Variants in RBM33 observed in about 807,000 individuals in gnomAD.
RBM33 encodes RNA-binding protein 33.
A neutral mutation model predicts 132.6 loss-of-function variants in RBM33; 28 were observed. The observed-to-expected ratio is 0.21, with a 90% CI of 0.16 to 0.29. The LOEUF (loss-of-function observed/expected upper bound fraction) is 0.29. RBM33 is among the 10% of genes least tolerant of loss of function. The pLI is 1.00. For missense variants in RBM33, 1,291 were observed against 1,518.5 expected (o/e 0.85, Z 2.49); for synonymous variants, 634 against 593.0 (o/e 1.07, Z -1.01).
intron 2 of RBM33, among the ~76,000 whole-genome samples, chr7:155,669,399 C>T (rs1284977639): frequency 6.6e-6 from 1 of 152,162 alleles, no homozygotes; most frequent in South Asian, 2.1e-4. Context: ...AGAGTCTGCT[C>T]TGGAGTGCAG....
chr7:155,682,830 A>G (rs1010583928), intron 5 of RBM33, among the ~76,000 whole-genome samples: 1 of 152,196 alleles, frequency 6.6e-6, no homozygotes, highest in African/African-American at 2.4e-5. Context: ...CCTCTCTGGT[A>G]TTCCATTGTC....
At chr7:155,667,996 T>G (rs1464409224) in intron 2 of RBM33, among the ~76,000 whole-genome samples, 2 of 152,086 alleles carry the variant, frequency 1.3e-5, no homozygotes, top group Non-Finnish European at 2.9e-5. Context: ...TTGAAAAAAT[T>G]TCAGAATATA....
At position 155,739,732 on chromosome 7, in the gene RBM33, A is replaced by G. The variant is rs1006844238; in HGVS notation, c.1755A>G (p.Pro585=). ...QPNLQGPLHP[P]LPPPHQPQPQ... ...AATGGAAGGGGCCGTTGCATCCTCC[A>G]TTGCCCCCTCCGCATCAGCCTCAGC... The change falls in exon 12 of 18, where the codon CCA becomes CCG. Residue 585 remains proline, a synonymous_variant. Coordinates refer to ENST00000401878, the MANE Select transcript of RBM33 (RefSeq NM_053043.3). 1.3e-6 allele frequency: 2 copies of G among 1,547,102 alleles called. No individual in the cohort carries two copies. Among genetic ancestry groups the G allele is most frequent in the African/African-American group, 1.4e-5 (1 of 72,784 alleles).
At position 155,739,783 on chromosome 7, in the gene RBM33, G is replaced by A. The variant is rs531347715; in HGVS notation, c.1806G>A (p.Pro602=). Residue 602 remains proline (P), a synonymous_variant, in exon 12 of 18, where the codon CCG becomes CCA. Coordinates refer to ENST00000401878, the MANE Select transcript of RBM33 (RefSeq NM_053043.3). ...CTCAGCAACCTCAGCAACAGCCCCC[G>A]CCACAGCACCAGCCTCCGCACCAGC... ...PQPQQPQQQP[P]PQHQPPHQPP... 883 of 1,485,204 alleles carry A rather than the reference G, an allele frequency of 5.9e-4. 3 individuals carry two copies. The East Asian group carries it at 9.6e-3, about 16-fold the overall frequency. The allele number at this position is 1,485,204 out of a possible 1,614,324, so 92.0% of individuals were successfully genotyped here.
intron 5 of RBM33, among the ~76,000 whole-genome samples, chr7:155,684,369 C>T (rs545490228): frequency 2.6e-5 from 4 of 152,314 alleles, no homozygotes; most frequent in Admixed American, 2.6e-4. Flanking sequence ...CTCCAGCCAG[C>T]TTGCCTGCTT....
intron 16 of RBM33, among the ~76,000 whole-genome samples, chr7:155,772,813 A>G (rs532187933): frequency 3.9e-5 from 6 of 152,194 alleles, no homozygotes; most frequent in African/African-American, 1.2e-4. Flanking sequence ...GGCCTTCTTG[A>G]TGCCCTTGAA....
intron 3 of RBM33, among the ~76,000 whole-genome samples, chr7:155,673,797 CACA>C (rs1396937410): frequency 1.2e-4 from 17 of 144,056 alleles, no homozygotes; most frequent in South Asian, 4.2e-4. Context: ...CACACACACA[CACA>C]CCCCTACCAG....
intron 7 of RBM33, among the ~76,000 whole-genome samples, chr7:155,708,253 G>A (rs950584728): frequency 1.3e-5 from 2 of 152,218 alleles, no homozygotes; most frequent in Non-Finnish European, 2.9e-5. Flanking sequence ...TTGATGATAC[G>A]AGGAACTGCT....
At chr7:155,681,048 T>G (rs1239940376) in intron 5 of RBM33, 140 bp downstream of exon 5, 6 of 680,046 alleles carry the variant, frequency 8.8e-6, no homozygotes, top group Non-Finnish European at 1.5e-5. Context: ...AGTTTCTTTA[T>G]CTGAGCTATG....
At chr7:155,672,021 G>A (rs1015718042) in intron 2 of RBM33, among the ~76,000 whole-genome samples, 2 of 152,016 alleles carry the variant, frequency 1.3e-5, no homozygotes, top group African/African-American at 4.8e-5. Context: ...GCAAATCACT[G>A]ATACGACATC....
At chr7:155,673,943 T>TTGTTTG (rs1563138289) in intron 3 of RBM33, among the ~76,000 whole-genome samples, 707 of 17,216 alleles carry the variant, frequency 0.041, 169 homozygotes, top group African/African-American at 0.054. Context: ...AGGCTTAGTT[T>TTGTTTG]TTTTTTTTTT....
intron 1 of RBM33, 97 bp from the exon 2 acceptor site, chr7:155,665,078 G>C: frequency 3.2e-6 from 3 of 936,526 alleles, no homozygotes; most frequent in Non-Finnish European, 5.1e-6. Flanking sequence ...AAAATGTCAA[G>C]TCAGGAATCC....
intron 5 of RBM33, among the ~76,000 whole-genome samples, chr7:155,689,439 A>AT (rs1372999589): frequency 1.1e-4 from 16 of 152,182 alleles, no homozygotes; most frequent in South Asian, 2.1e-4. Context: ...GGATTCATTG[A>AT]TTTTTTGAAG....
At chr7:155,753,560 G>A (rs1038600515) in intron 14 of RBM33, among the ~76,000 whole-genome samples, 5 of 152,214 alleles carry the variant, frequency 3.3e-5, no homozygotes, top group African/African-American at 1.2e-4. Flanking sequence ...GAGCTAAGGA[G>A]GAGCTGAGAG....
chr7:155,774,671 T>C lies in RBM33; in HGVS notation c.3464+24T>C. 1 of 1,596,308 alleles carries C rather than the reference T, an allele frequency of 6.3e-7. No individual in the cohort carries two copies. The highest frequency in any genetic ancestry group is 8.6e-7 in the Non-Finnish European group (1 of 1,163,950). On this transcript the variant is annotated intron_variant, in intron 17 of 17. Coordinates refer to ENST00000401878, the MANE Select transcript of RBM33 (RefSeq NM_053043.3). This position sits in a 1 kb window ranked among gnomAD's most constrained non-coding sequence, Gnocchi z 4.2. The stretch of plus-strand genomic sequence containing the variant: ...AGGTGACCAGTGTGTTCTGTGCTTG[T>C]GGTGATAAGGGGGCGGGAGCAAGGC...
chr7:155,769,561 A>T (rs1477469082), intron 16 of RBM33, among the ~76,000 whole-genome samples: 1 of 152,128 alleles, frequency 6.6e-6, no homozygotes, highest in Non-Finnish European at 1.5e-5. Flanking sequence ...TGCCCTTTGC[A>T]GAGCGGATCT....
intron 16 of RBM33, among the ~76,000 whole-genome samples, chr7:155,772,597 T>C (rs746494796): frequency 2.0e-4 from 31 of 152,360 alleles, no homozygotes; most frequent in Non-Finnish European, 3.7e-4. Context: ...ACTTTTCCTG[T>C]TAACTTAATG....
intron 1 of RBM33, among the ~76,000 whole-genome samples, chr7:155,645,479 G>A (rs1489200200): frequency 6.6e-6 from 1 of 152,222 alleles, no homozygotes. Flanking sequence ...TAACTTATTT[G>A]TTGTCTAATA....
At chr7:155,735,202 A>T (rs934258338) in intron 9 of RBM33, among the ~76,000 whole-genome samples, 1 of 152,230 alleles carries the variant, frequency 6.6e-6, no homozygotes, top group Non-Finnish European at 1.5e-5. Flanking sequence ...TGGAGGAGAT[A>T]TATTCATGTT....
Sources: allele counts gnomAD v4.1 joint callset (sites outside exome capture counted in the v4.1 genomes callset), GRCh38; gene constraint gnomAD v4.1.1; non-coding constraint Gnocchi (gnomAD v3.1); transcripts MANE v1.5; gene names NCBI Gene and HGNC (gene_info 2026-07-23, HGNC 2026-07-21).